The following RALY variants were observed in gnomAD, a reference collection of about 807,000 sequenced individuals.
RALY encodes the protein RALY heterogeneous nuclear ribonucleoprotein.
RALY carries 15 observed loss-of-function variants against 30.7 expected under a neutral mutation model. The observed-to-expected ratio is 0.49, with a 90% CI of 0.33 to 0.75. The LOEUF (loss-of-function observed/expected upper bound fraction) is 0.75, where lower values mean the gene tolerates loss of function less well. Among genes scored for constraint, RALY ranks in the 30% least tolerant of loss-of-function variants. The pLI, the probability that RALY is intolerant of heterozygous loss-of-function variation, is 0.02. For missense variants in RALY, 339 were observed against 414.3 expected (o/e 0.82, Z 1.58); for synonymous variants, 177 against 170.8 (o/e 1.04, Z -0.28).
chr20:34,077,294 C>G, intron 8 of RALY, 49 bp downstream of exon 8: 2 of 1,606,660 alleles, frequency 1.2e-6, no homozygotes, highest in African/African-American at 1.3e-5. Context: ...TGCTCCTACT[C>G]TCAGGAGGCC....
chr20:34,015,382 A>G (rs962528173), intron 1 of RALY, among the ~76,000 whole-genome samples: 7 of 152,172 alleles, frequency 4.6e-5, no homozygotes, highest in Admixed American at 4.6e-4. Flanking sequence ...TAAAAAAACA[A>G]AAAAGCAAAA....
At chr20:34,066,169 CTTT>C (rs200689368) in intron 2 of RALY, among the ~76,000 whole-genome samples, 1 of 126,510 alleles carries the variant, frequency 7.9e-6, no homozygotes, top group Non-Finnish European at 1.6e-5. Flanking sequence ...TGCTGATCCT[CTTT>C]TTTTTTTTTT....
At chr20:34,070,476 T>C (rs1400697384) in intron 2 of RALY, among the ~76,000 whole-genome samples, 1 of 152,198 alleles carries the variant, frequency 6.6e-6, no homozygotes, top group Non-Finnish European at 1.5e-5. Flanking sequence ...GTAGGTGCAG[T>C]CTCATCTCTA....
At position 33,994,032 on chromosome 20, in the gene RALY, C is replaced by A. The variant is rs2030447019; in HGVS notation, c.-192C>A. 2 of 152,272 alleles carry A rather than the reference C, an allele frequency of 1.3e-5. No homozygotes were observed. The highest frequency in any genetic ancestry group is 4.8e-5 in the African/African-American group (2 of 41,452). 9.4% of individuals were successfully genotyped at this position (152,272 alleles called of 1,614,324 possible). A position where few individuals can be genotyped will look rare whatever the true frequency, so the allele number is the denominator to read the frequency against. ...CTCCCGCGCGTGTGCCCAGCCTCTTCCCGCCGCAGCCGCCCTTTTCCTCCC... is the reference window on the plus strand; with the variant it reads ...CTCCCGCGCGTGTGCCCAGCCTCTTACCGCCGCAGCCGCCCTTTTCCTCCC... On this transcript the variant is annotated 5_prime_UTR_variant, in exon 1 of 10. Transcript: ENST00000246194.
intron 1 of RALY, among the ~76,000 whole-genome samples, chr20:34,027,598 A>T (rs2032092306): frequency 1.3e-5 from 2 of 152,234 alleles, no homozygotes; most frequent in South Asian, 4.1e-4. Flanking sequence ...GTGGGACATC[A>T]TAGTCCCATC....
intron 2 of RALY, among the ~76,000 whole-genome samples, chr20:34,057,891 G>A (rs2033300960): frequency 6.6e-6 from 1 of 152,144 alleles, no homozygotes; most frequent in South Asian, 2.1e-4. Flanking sequence ...GGTTCATGGA[G>A]TTTAATGAGA....
intron 2 of RALY, among the ~76,000 whole-genome samples, chr20:34,042,309 C>G (rs893549737): frequency 1.3e-5 from 2 of 152,206 alleles, no homozygotes; most frequent in Non-Finnish European, 1.5e-5. Flanking sequence ...CCTGAACCAA[C>G]TCTCCCATTT....
chr20:34,022,532 C>G (rs111372211), intron 1 of RALY, among the ~76,000 whole-genome samples: 2 of 152,270 alleles, frequency 1.3e-5, no homozygotes, highest in African/African-American at 2.4e-5. Flanking sequence ...CCCTACGAAA[C>G]TAAAGGCTGG....
chr20:34,059,601 C>T (rs1040608688), intron 2 of RALY, among the ~76,000 whole-genome samples: 4 of 152,178 alleles, frequency 2.6e-5, no homozygotes, highest in Admixed American at 2.0e-4. Context: ...CTAGTAGACA[C>T]GGGATTCAGG....
At position 34,060,762 on chromosome 20, in the gene RALY, C is replaced by T. The variant is rs1456096528; in HGVS notation, c.-9-11304C>T. On this transcript the variant is annotated intron_variant, in intron 2 of 9. Coordinates refer to ENST00000246194, the MANE Select transcript of RALY (RefSeq NM_016732.3). ...CTCCTACACACAGCAAGCTTTACCT[C>T]TCTGTATACTGTGTCATATGACCCA... is the stretch of plus-strand genomic sequence containing the variant. Among the ~76,000 whole-genome samples the T allele has an allele frequency of 2.0e-5, 3 of 152,174 alleles. No individual in the cohort carries two copies. The East Asian group carries it at 5.8e-4, about 29-fold the overall frequency.
intron 2 of RALY, among the ~76,000 whole-genome samples, chr20:34,065,900 C>T (rs940111133): frequency 6.6e-6 from 1 of 152,172 alleles, no homozygotes; most frequent in African/African-American, 2.4e-5. Flanking sequence ...CCTAAAGCAG[C>T]AGCTCCTCCC....
At chr20:34,009,585 G>C (rs1304627826) in intron 1 of RALY, among the ~76,000 whole-genome samples, 1 of 152,158 alleles carries the variant, frequency 6.6e-6, no homozygotes, top group Non-Finnish European at 1.5e-5. Flanking sequence ...GCTAGTCCAT[G>C]CTTTAGAAGC....
intron 2 of RALY, among the ~76,000 whole-genome samples, chr20:34,056,249 A>G (rs939270366): frequency 6.6e-6 from 1 of 152,116 alleles, no homozygotes; most frequent in African/African-American, 2.4e-5. Context: ...TCCTTATGCT[A>G]TTTCCTCTTA....
chr20:34,067,029 C>G (rs1283037812), intron 2 of RALY, among the ~76,000 whole-genome samples: 1 of 152,136 alleles, frequency 6.6e-6, no homozygotes, highest in East Asian at 1.9e-4. Context: ...CTGCAGGTGC[C>G]TGTTTTTGAG....
chr20:34,035,135 A>G (rs1461596973), intron 2 of RALY, among the ~76,000 whole-genome samples: 1 of 132,506 alleles, frequency 7.5e-6, no homozygotes, highest in African/African-American at 2.8e-5. Context: ...CCTGGGCGAC[A>G]GAGCGAGACT....
At chr20:34,052,265 A>G (rs1215945369) in intron 2 of RALY, among the ~76,000 whole-genome samples, 2 of 152,164 alleles carry the variant, frequency 1.3e-5, no homozygotes, top group Non-Finnish European at 2.9e-5. Flanking sequence ...TCCTCTTCTT[A>G]TTTAACCTTG....
At chr20:34,075,323 G>C (rs1054732584) in intron 5 of RALY, among the ~76,000 whole-genome samples, 1 of 152,026 alleles carries the variant, frequency 6.6e-6, no homozygotes, top group Admixed American at 6.5e-5. Flanking sequence ...TCTATTACAC[G>C]TTCTAAAGTG....
At chr20:34,057,483 C>T (rs987288128) in intron 2 of RALY, among the ~76,000 whole-genome samples, 30 of 152,038 alleles carry the variant, frequency 2.0e-4, no homozygotes, top group African/African-American at 4.6e-4. Context: ...CTGGCTAACA[C>T]GGTGAAACCC....
rs1361162114 is a variant in RALY, at chr20:34,072,290, G to A, written c.216G>A (p.Val72=). The A allele has an allele frequency of 6.2e-7, 1 of 1,613,920 alleles. No homozygotes were observed. The highest frequency in any genetic ancestry group is 2.2e-5 in the East Asian group (1 of 44,890). ...YSNERHARAA[V]LGENGRVLAG... ...ATGAGCGCCATGCCCGGGCAGCTGT[G>A]CTGGGAGAGAATGGGCGGGTGCTGG... is the stretch of plus-strand genomic sequence containing the variant. Residue 72 remains valine (V), a synonymous_variant, in exon 3 of 10, where the codon GTG becomes GTA. Coordinates refer to ENST00000246194, the MANE Select transcript of RALY (RefSeq NM_016732.3).
Sources: gnomAD v4.1 joint callset for allele counts (sites outside exome capture counted in the v4.1 genomes callset) on GRCh38, gnomAD v4.1.1 for gene constraint, MANE v1.5 for transcripts, NCBI Gene and HGNC (gene_info 2026-07-23, HGNC 2026-07-21) for gene names.